The following SPO11 variants were observed in gnomAD, a reference collection of about 807,000 sequenced individuals.
The protein encoded by SPO11 is SPO11 initiator of meiotic double strand breaks, also known as meiotic recombination protein SPO11.
Under a neutral mutation model 51.6 loss-of-function variants are expected in SPO11, and 49 were observed. That is an observed-to-expected ratio of 0.95 (90% CI 0.75 to 1.20). SPO11 has a LOEUF of 1.20. Ranked by LOEUF, SPO11 falls within the 50% of genes most tolerant of loss-of-function variation. The pLI is 0.00. For missense variants in SPO11, 431 were observed against 473.4 expected, an observed-to-expected ratio of 0.91 and a Z score of 0.83; for synonymous variants, 176 against 158.2, an observed-to-expected ratio of 1.11 and a Z score of -0.84.
chr20:57,342,287 G>A (rs1241746991), intron 11 of SPO11, among the ~76,000 whole-genome samples: 1 of 152,144 alleles, frequency 6.6e-6, no homozygotes, highest in Non-Finnish European at 1.5e-5. Flanking sequence ...ATACTCAATG[G>A]AACCTAAAGT....
chr20:57,331,792 T>G, intron 1 of SPO11, 41 bp from the exon 2 acceptor site: 5 of 1,208,676 alleles, frequency 4.1e-6, no homozygotes, highest in Non-Finnish European at 3.4e-6. Flanking sequence ...AAAGTCAAAA[T>G]TTATGATTAA....
At chr20:57,340,549 A>G (rs1377768764) in intron 11 of SPO11, among the ~76,000 whole-genome samples, 3 of 152,192 alleles carry the variant, frequency 2.0e-5, no homozygotes, top group Non-Finnish European at 4.4e-5. Context: ...GGATCACTTG[A>G]GGCCAGGAGT....
chr20:57,338,609 A>G (rs1324031405), intron 9 of SPO11, among the ~76,000 whole-genome samples: 2 of 151,764 alleles, frequency 1.3e-5, no homozygotes, highest in African/African-American at 4.8e-5. Flanking sequence ...ATGCCTGGCT[A>G]ATTTTTTATA....
Position 57,338,346 on chromosome 20 carries a change from T to C in SPO11, c.815T>C (p.Val272Ala), listed in dbSNP as rs2066538427. Residue 272 changes from valine to alanine, a missense_variant, in exon 9 of 13, where the codon GTT becomes GCT. Transcript: ENST00000371263. ...KKLWDTFHVP[V>A]FTLVDADPHG... ...CTGTGGGATACATTTCATGTTCCTG[T>C]TTTCACTCTTGTAGATGCTGATCCA... 1.9e-6 allele frequency: 3 copies of C among 1,613,668 alleles called. No homozygotes were observed. The highest frequency in any genetic ancestry group is 2.5e-6 in the Non-Finnish European group (3 of 1,179,614).
At chr20:57,342,973 C>A in intron 12 of SPO11, 133 bp downstream of exon 12, 1 of 680,330 alleles carries the variant, frequency 1.5e-6, no homozygotes, top group Non-Finnish European at 2.5e-6. Context: ...TGTTGTTTGG[C>A]AGTAAATAGT....
intron 3 of SPO11, 35 bp downstream of exon 3, chr20:57,333,311 G>A: frequency 1.4e-6 from 2 of 1,481,454 alleles, no homozygotes; most frequent in East Asian, 2.3e-5. Flanking sequence ...GGTAATAAAG[G>A]ATAAATAAAT....
rs1383491497 is a variant in SPO11 at position 57,333,725 on chromosome 20, G to C, written c.373G>C (p.Val125Leu). The C allele has an allele frequency of 6.6e-7, 1 of 1,514,332 alleles. No homozygotes were observed. The highest frequency in any genetic ancestry group is 9.1e-7 in the Non-Finnish European group (1 of 1,095,744). 93.8% of individuals were successfully genotyped at this position (1,514,332 alleles called of 1,614,324 possible). A position where few individuals can be genotyped will look rare whatever the true frequency, so the allele number is the denominator to read the frequency against. ...AATATTGTCCATGATTTATAAATTA[G>C]TACAGAGCAACACTTATGCAACCAA... ...LKILSMIYKLVQSNTYATKRD... is the reference protein window; with the variant it reads ...LKILSMIYKLLQSNTYATKRD... Residue 125 changes from valine to leucine, a missense_variant, in exon 4 of 13, where the codon GTA becomes CTA. By Grantham distance (32) the Val-to-Leu change is conservative. Transcript: ENST00000371263.
At chr20:57,342,703 G>T in intron 11 of SPO11, 26 bp from the exon 12 acceptor site, 1 of 1,474,298 alleles carries the variant, frequency 6.8e-7, no homozygotes, top group African/African-American at 1.4e-5. Context: ...CTTTTTTACT[G>T]ATTTTTTTCA....
At chr20:57,342,925 A>C (rs2066600966) in intron 12 of SPO11, 85 bp downstream of exon 12, 1 of 930,762 alleles carries the variant, frequency 1.1e-6, no homozygotes, top group South Asian at 1.5e-5. Context: ...TTTTGAAAAT[A>C]TCCCTCTTGA....
chr20:57,343,062 A>ATATACACAT (rs2066602831), intron 12 of SPO11, among the ~76,000 whole-genome samples: 1 of 152,162 alleles, frequency 6.6e-6, no homozygotes, highest in Admixed American at 6.5e-5. Context: ...TATCATGGTT[A>ATATACACAT]TATACACATT....
intron 11 of SPO11, among the ~76,000 whole-genome samples, chr20:57,341,382 A>AT (rs2066579899): frequency 6.6e-6 from 1 of 152,218 alleles, no homozygotes; most frequent in South Asian, 2.1e-4. Context: ...GTCTGGATAG[A>AT]TTAAGTTTCT....
rs762984592 is a variant in SPO11, at chr20:57,329,974, C to T, written c.107C>T (p.Thr36Ile). Residue 36 changes from threonine to isoleucine, a missense_variant, in exon 1 of 13, where the codon ACT becomes ATT. Thr to Ile is a moderately conservative substitution (Grantham distance 89). Coordinates refer to ENST00000371263, the MANE Select transcript of SPO11 (RefSeq NM_012444.3). ...AGGAGAGGTGGCAGGGAGCCCCCAA[C>T]TGGGGGAAGCCGCCTGGCCTCCAGG... ...ALRRGGREPP[T>I]GGSRLASSSE... 18 of 1,607,732 alleles carry T rather than the reference C, an allele frequency of 1.1e-5. No homozygotes were observed. Among genetic ancestry groups the T allele is most frequent in the Non-Finnish European group, 4.2e-6 (5 of 1,177,946 alleles).
At chr20:57,336,892 T>A (rs567255792) in intron 8 of SPO11, among the ~76,000 whole-genome samples, 18 of 152,248 alleles carry the variant, frequency 1.2e-4, no homozygotes, top group Admixed American at 7.8e-4. Context: ...AGGAGGTAGG[T>A]ACTAACATCA....
intron 7 of SPO11, 131 bp downstream of exon 7, chr20:57,335,586 A>G: frequency 1.2e-6 from 1 of 867,700 alleles, no homozygotes; most frequent in Non-Finnish European, 1.8e-6. Context: ...TGAACACACC[A>G]TGGTCCCTTC....
intron 11 of SPO11, 55 bp from the exon 12 acceptor site, chr20:57,342,674 C>T (rs2066596974): frequency 1.8e-6 from 2 of 1,085,534 alleles, no homozygotes; most frequent in South Asian, 1.3e-5. Flanking sequence ...AAATACAGGA[C>T]ATTCAAGTTA....
At position 57,338,391 on chromosome 20, in the gene SPO11, A is replaced by T; in HGVS notation, c.844+16A>T. 6.8e-7 allele frequency: 1 copy of T among 1,467,142 alleles called. No individual in the cohort carries two copies. Among genetic ancestry groups the T allele is most frequent in the Non-Finnish European group, 9.5e-7 (1 of 1,051,324 alleles). 90.9% of individuals were successfully genotyped at this position (1,467,142 alleles called of 1,614,324 possible). A position where few individuals can be genotyped will look rare whatever the true frequency, so the allele number is the denominator to read the frequency against. On this transcript the variant is annotated intron_variant, in intron 9 of 12. Transcript: ENST00000371263. ...GATCCACATGGTAATTTATCACTGG[A>T]CTATTTACAACAATAGTCATAACTA...
intron 5 of SPO11, 38 bp downstream of exon 5, chr20:57,334,133 C>T: frequency 3.1e-6 from 3 of 966,534 alleles, no homozygotes; most frequent in Non-Finnish European, 4.5e-6. Flanking sequence ...TATTTTAAAA[C>T]AAAATGTTTG....
chr20:57,339,004 G>C lies in SPO11; in HGVS notation c.860G>C (p.Cys287Ser), dbSNP rs2066547343. The C allele has an allele frequency of 6.7e-7, 1 of 1,490,076 alleles. No homozygotes were observed. Among genetic ancestry groups the C allele is most frequent in the Non-Finnish European group, 9.1e-7 (1 of 1,094,084 alleles). 92.3% of individuals were successfully genotyped at this position (1,490,076 alleles called of 1,614,324 possible). The change falls in exon 10 of 13, where the codon TGC (cysteine) becomes TCC (serine). Residue 287 changes from cysteine to serine, a missense_variant. Physicochemically the swap from Cys to Ser is moderately radical, Grantham distance 112 (BLOSUM62 -1). Around this residue, in one of 3 missense-constraint regions of SPO11, gnomAD observed 405 missense variants for 425.9 expected, o/e 0.95. Transcript: ENST00000371263. ...DADPHGIEIM[C>S]IYKYGSMSMS... Reference sequence around the variant, plus strand: ...CTTTTAACAGGCATAGAAATAATGTGCATCTATAAGTATGGATCTATGGTA... The same window carrying C: ...CTTTTAACAGGCATAGAAATAATGTCCATCTATAAGTATGGATCTATGGTA...
Position 57,338,472 on chromosome 20 carries a change from G to A in SPO11, c.844+97G>A, listed in dbSNP as rs571889044. ...TTTTTTTTTTTTTCTTTTTGAGATT[G>A]AGTCCTGCTCTGTCACCCAGGAGTG... On this transcript the variant is annotated intron_variant, in intron 9 of 12. Coordinates refer to ENST00000371263, the MANE Select transcript of SPO11 (RefSeq NM_012444.3). 1.3e-5 allele frequency: 12 copies of A among 899,388 alleles called. 1 individual carries two copies. Among genetic ancestry groups the A allele is most frequent in the Admixed American group, 8.1e-5 (3 of 36,990 alleles). The allele number at this position is 899,388 out of a possible 1,614,324, so 55.7% of individuals were successfully genotyped here.
Sources: gnomAD v4.1 joint callset for allele counts (sites outside exome capture counted in the v4.1 genomes callset) on GRCh38, gnomAD v4.1.1 for gene constraint, gnomAD v4.1.1 regional missense constraint, MANE v1.5 for transcripts, NCBI Gene and HGNC (gene_info 2026-07-23, HGNC 2026-07-21) for gene names.